Variants in NRP1 observed in about 807,000 individuals in gnomAD.
NRP1 encodes neuropilin 1, also known as neuropilin-1.
A neutral mutation model predicts 106.7 loss-of-function variants in NRP1; 35 were observed. That is an observed-to-expected ratio of 0.33 (90% confidence interval 0.25 to 0.43). The LOEUF (loss-of-function observed/expected upper bound fraction) is 0.43, where lower values mean the gene tolerates loss of function less well. Among genes scored for constraint, NRP1 ranks in the 20% least tolerant of loss-of-function variants. The probability of loss-of-function intolerance (pLI) is 1.00; values close to 1 mark genes in which losing one functional copy is unlikely to be tolerated. For missense variants in NRP1, 1,024 were observed against 1,170.4 expected, an observed-to-expected ratio of 0.87 and a Z score of 1.83; for synonymous variants, 437 against 417.9, an observed-to-expected ratio of 1.05 and a Z score of -0.56.
intron 15 of NRP1, among the ~76,000 whole-genome samples, chr10:33,185,201 A>G (rs1166948933): frequency 2.6e-5 from 4 of 152,252 alleles, no homozygotes; most frequent in African/African-American, 9.6e-5. Flanking sequence ...ATGGTTCATT[A>G]ACAATGCATT....
chr10:33,296,096 G>A (rs1294414766), intron 2 of NRP1, among the ~76,000 whole-genome samples: 2 of 152,204 alleles, frequency 1.3e-5, no homozygotes, highest in African/African-American at 4.8e-5. Flanking sequence ...AAAAATGTGT[G>A]AGTGAATTTT....
chr10:33,222,022 G>C (rs1839284733), intron 7 of NRP1, among the ~76,000 whole-genome samples, 159 bp from the exon 8 acceptor site: 1 of 152,194 alleles, frequency 6.6e-6, no homozygotes, highest in Admixed American at 6.5e-5. Flanking sequence ...TTTTCAATTA[G>C]CAATCAGAAT....
chr10:33,319,002 CTTTTTTTTTTT>C (rs36010472), intron 2 of NRP1, among the ~76,000 whole-genome samples: 1 of 90,764 alleles, frequency 1.1e-5, no homozygotes, highest in Non-Finnish European at 2.3e-5. Context: ...TCTTTTCTTT[CTTTTTTTTTTT>C]TTTTTTTTTG....
intron 6 of NRP1, among the ~76,000 whole-genome samples, chr10:33,242,843 A>G (rs1194184191): frequency 6.6e-6 from 1 of 152,170 alleles, no homozygotes; most frequent in Non-Finnish European, 1.5e-5. Context: ...GACAAGTATA[A>G]TGAGTTTCTT....
At chr10:33,306,490 C>T (rs1846177507) in intron 2 of NRP1, among the ~76,000 whole-genome samples, 1 of 152,012 alleles carries the variant, frequency 6.6e-6, no homozygotes, top group South Asian at 2.1e-4. Context: ...TCAGAAGCAA[C>T]AAGAGATTAA....
At chr10:33,213,277 A>T (rs1219730060) in intron 9 of NRP1, 109 bp downstream of exon 9, 61 of 1,613,200 alleles carry the variant, frequency 3.8e-5, no homozygotes, top group Non-Finnish European at 4.9e-5. Context: ...ACCTCCTCTA[A>T]TGTCATGGCT....
intron 2 of NRP1, among the ~76,000 whole-genome samples, chr10:33,274,842 G>T (rs141275410): frequency 4.2e-4 from 64 of 152,260 alleles, no homozygotes; most frequent in Middle Eastern, 3.4e-3. Context: ...GACATCATAA[G>T]CTGGAGTGAG....
intron 12 of NRP1, among the ~76,000 whole-genome samples, chr10:33,197,435 C>T (rs1836864310): frequency 6.6e-6 from 1 of 152,152 alleles, no homozygotes; most frequent in African/African-American, 2.4e-5. Context: ...GGGATTGTCA[C>T]CATTTGGCAA....
intron 1 of NRP1, among the ~76,000 whole-genome samples, chr10:33,331,550 C>T (rs1452454251): frequency 6.6e-6 from 1 of 152,154 alleles, no homozygotes; most frequent in Non-Finnish European, 1.5e-5. Context: ...AGCAACGGGG[C>T]AGAAGGAAAA....
At chr10:33,333,734 A>G (rs1292999673) in intron 1 of NRP1, among the ~76,000 whole-genome samples, 1 of 152,224 alleles carries the variant, frequency 6.6e-6, no homozygotes, top group Non-Finnish European at 1.5e-5. Flanking sequence ...ATTTTCAGAT[A>G]TCCTGGTGCC....
chr10:33,313,350 A>T (rs970912872), intron 2 of NRP1, among the ~76,000 whole-genome samples: 2 of 152,162 alleles, frequency 1.3e-5, no homozygotes, highest in African/African-American at 4.8e-5. Context: ...GAAAGCAAAA[A>T]GTAGGGAGGG....
intron 1 of NRP1, 77 bp from the exon 2 acceptor site, chr10:33,330,959 G>C: frequency 7.8e-7 from 1 of 1,280,304 alleles, no homozygotes; most frequent in Non-Finnish European, 1.1e-6. Flanking sequence ...TAAATTACTG[G>C]TTATTAAACA....
intron 2 of NRP1, among the ~76,000 whole-genome samples, chr10:33,324,911 G>T (rs1413674587): frequency 6.6e-6 from 1 of 152,188 alleles, no homozygotes; most frequent in Non-Finnish European, 1.5e-5. Context: ...ATGTTTGCGA[G>T]TGAGCCACCG....
At chr10:33,299,238 C>T (rs1299724643) in intron 2 of NRP1, among the ~76,000 whole-genome samples, 1 of 152,212 alleles carries the variant, frequency 6.6e-6, no homozygotes, top group Non-Finnish European at 1.5e-5. Context: ...CCCTGCCCCC[C>T]TGACCCTGCC....
At chr10:33,282,636 C>T (rs1361305346) in intron 2 of NRP1, among the ~76,000 whole-genome samples, 2 of 152,222 alleles carry the variant, frequency 1.3e-5, no homozygotes, top group East Asian at 3.9e-4. Flanking sequence ...TGACCGTCAT[C>T]TTTTCCTAAA....
At chr10:33,300,576 G>A (rs1242650667) in intron 2 of NRP1, among the ~76,000 whole-genome samples, 1 of 152,122 alleles carries the variant, frequency 6.6e-6, no homozygotes, top group Non-Finnish European at 1.5e-5. Flanking sequence ...ATCTTGGGGC[G>A]CCCAAATCAC....
intron 9 of NRP1, among the ~76,000 whole-genome samples, chr10:33,210,533 G>C (rs901325122): frequency 6.6e-6 from 1 of 152,150 alleles, no homozygotes; most frequent in African/African-American, 2.4e-5. Context: ...AACCCATATG[G>C]AACTAGGCTA....
intron 6 of NRP1, among the ~76,000 whole-genome samples, chr10:33,236,351 T>C (rs1273434936): frequency 6.6e-6 from 1 of 152,274 alleles, no homozygotes; most frequent in Non-Finnish European, 1.5e-5. Context: ...TCAGCGCATG[T>C]GCTCTTGCTA....
intron 9 of NRP1, chr10:33,213,012 G>C (rs187696949): frequency 2.9e-4 from 159 of 548,522 alleles, no homozygotes; most frequent in African/African-American, 2.7e-3. Flanking sequence ...CTTAAACTAG[G>C]GGTAGGTTTG....
Sources: gnomAD v4.1 joint callset for allele counts (sites outside exome capture counted in the v4.1 genomes callset) on GRCh38, gnomAD v4.1.1 for gene constraint, MANE v1.5 for transcripts, NCBI Gene and HGNC (gene_info 2026-07-23, HGNC 2026-07-21) for gene names.